PDE10A: variants seen among roughly 807,000 people sequenced by gnomAD.
The protein encoded by PDE10A is cAMP and cAMP-inhibited cGMP 3',5'-cyclic phosphodiesterase 10A.
PDE10A carries 39 observed loss-of-function variants against 97.7 expected under a neutral mutation model. The observed-to-expected ratio is 0.40, with a 90% CI of 0.31 to 0.52. The LOEUF is 0.52. Among genes scored for constraint, PDE10A ranks in the 20% least tolerant of loss-of-function variants. The pLI is 0.56. For missense variants in PDE10A, 731 were observed against 1,047.8 expected (o/e 0.70, Z 4.17); for synonymous variants, 371 against 376.8 (o/e 0.98, Z 0.18).
chr6:165,831,371 C>CAAAAAAA (rs760962725), intron 1 of PDE10A, among the ~76,000 whole-genome samples: 2 of 44,798 alleles, frequency 4.5e-5, no homozygotes, highest in Non-Finnish European at 7.4e-5. Flanking sequence ...GACTCTGTCT[C>CAAAAAAA]AAAAAAAAAA....
chr6:165,618,290 G>A (rs981826291), intron 1 of PDE10A, among the ~76,000 whole-genome samples: 1 of 151,964 alleles, frequency 6.6e-6, no homozygotes. Context: ...TAACTTGCAG[G>A]CTACAAGGGT....
intron 1 of PDE10A, among the ~76,000 whole-genome samples, chr6:165,640,429 T>C (rs1294009643): frequency 6.6e-6 from 1 of 152,218 alleles, no homozygotes; most frequent in African/African-American, 2.4e-5. Flanking sequence ...TGTTACTTTA[T>C]CAGCAAGATT....
chr6:165,515,098 A>G (rs372917615), intron 2 of PDE10A, among the ~76,000 whole-genome samples: 1 of 152,232 alleles, frequency 6.6e-6, no homozygotes, highest in Non-Finnish European at 1.5e-5. Flanking sequence ...TATTTTCAGA[A>G]TAACACTAAG....
intron 1 of PDE10A, among the ~76,000 whole-genome samples, chr6:165,730,907 G>A (rs965059800): frequency 6.6e-6 from 1 of 151,202 alleles, no homozygotes; most frequent in South Asian, 2.1e-4. Flanking sequence ...TTAGCCTGGC[G>A]TGGTGGCGGG....
chr6:165,924,814 A>G (rs930499420), intron 1 of PDE10A, among the ~76,000 whole-genome samples: 1 of 152,232 alleles, frequency 6.6e-6, no homozygotes, highest in African/African-American at 2.4e-5. Flanking sequence ...ATTAGAAAAC[A>G]TTTAAAAGTA....
intron 2 of PDE10A, among the ~76,000 whole-genome samples, chr6:165,519,222 CGATATACGGCT>C (rs1354670268): frequency 5.9e-5 from 9 of 152,062 alleles, no homozygotes; most frequent in Admixed American, 5.9e-4. Flanking sequence ...TTCAAACTTA[CGATATACGGCT>C]GACCGACTAC....
chr6:165,343,247 A>G (rs11753599), intron 19 of PDE10A, 144 bp downstream of exon 19: 101,019 of 642,596 alleles, frequency 0.16, 8,729 homozygotes, highest in Admixed American at 0.19. Flanking sequence ...TTGTATCTGC[A>G]TAAGTGCTAA....
intron 1 of PDE10A, among the ~76,000 whole-genome samples, chr6:165,649,561 A>T (rs1789572050): frequency 6.6e-6 from 1 of 152,122 alleles, no homozygotes; most frequent in Non-Finnish European, 1.5e-5. Flanking sequence ...AGTTCTGGTC[A>T]GCCTAGACCC....
chr6:165,501,124 GC>G (rs1017631431), intron 2 of PDE10A, among the ~76,000 whole-genome samples: 8 of 152,072 alleles, frequency 5.3e-5, no homozygotes, highest in African/African-American at 1.9e-4. Context: ...CATGCTGAGC[GC>G]CGGTACCCTG....
At chr6:165,815,653 G>A (rs775315167) in intron 1 of PDE10A, among the ~76,000 whole-genome samples, 8 of 152,134 alleles carry the variant, frequency 5.3e-5, no homozygotes, top group South Asian at 2.1e-4. Context: ...CTAGCAGTGC[G>A]ATCTCATCTC....
At chr6:165,832,990 G>C (rs1779966211) in intron 1 of PDE10A, among the ~76,000 whole-genome samples, 1 of 152,218 alleles carries the variant, frequency 6.6e-6, no homozygotes, top group African/African-American at 2.4e-5. Flanking sequence ...CCCATCACCT[G>C]TGTGAGCTAT....
At chr6:165,460,057 C>A (rs1778228246) in intron 3 of PDE10A, among the ~76,000 whole-genome samples, 1 of 152,184 alleles carries the variant, frequency 6.6e-6, no homozygotes, top group Admixed American at 6.5e-5. Flanking sequence ...CCATTCTAAA[C>A]CGGGGCATTT....
At chr6:165,476,089 G>A (rs1292819700) in intron 3 of PDE10A, among the ~76,000 whole-genome samples, 2 of 151,044 alleles carry the variant, frequency 1.3e-5, no homozygotes. Context: ...ATGAAGAGCA[G>A]ACCTAAAATC....
chr6:165,969,694 G>C (rs997488605), intron 1 of PDE10A, among the ~76,000 whole-genome samples: 1 of 152,138 alleles, frequency 6.6e-6, no homozygotes, highest in East Asian at 1.9e-4. Context: ...TCTCTAAACA[G>C]AGAGAGATCG....
chr6:165,771,240 G>T (rs145864964), intron 1 of PDE10A, among the ~76,000 whole-genome samples: 8 of 152,284 alleles, frequency 5.3e-5, no homozygotes, highest in Non-Finnish European at 1.0e-4. Flanking sequence ...GTGAAATCTG[G>T]ACTGACTTCA....
At chr6:165,347,624 T>G (rs1274516096) in intron 18 of PDE10A, among the ~76,000 whole-genome samples, 1 of 152,192 alleles carries the variant, frequency 6.6e-6, no homozygotes, top group East Asian at 1.9e-4. Flanking sequence ...TTAACAACCT[T>G]TACATGGTCT....
chr6:165,475,913 C>T (rs980464332), intron 3 of PDE10A, among the ~76,000 whole-genome samples: 3 of 152,142 alleles, frequency 2.0e-5, no homozygotes, highest in Non-Finnish European at 4.4e-5. Context: ...GTGATCAACT[C>T]CCCCTGTGAG....
chr6:165,845,396 C>T (rs894639166), intron 1 of PDE10A, among the ~76,000 whole-genome samples: 10 of 152,138 alleles, frequency 6.6e-5, no homozygotes, highest in African/African-American at 2.2e-4. Context: ...ACCAAAATGT[C>T]GAAGGTCAAG....
At chr6:165,752,144 A>G (rs1033234055) in intron 1 of PDE10A, among the ~76,000 whole-genome samples, 3 of 151,850 alleles carry the variant, frequency 2.0e-5, no homozygotes, top group African/African-American at 4.8e-5. Context: ...AAAAAAAAAA[A>G]AAAAAAAAAA....
Sources: gnomAD v4.1 joint callset for allele counts (sites outside exome capture counted in the v4.1 genomes callset) on GRCh38, gnomAD v4.1.1 for gene constraint, MANE v1.5 for transcripts, NCBI Gene and HGNC (gene_info 2026-07-23, HGNC 2026-07-21) for gene names.